The following NRXN1 variants were observed in gnomAD, a reference collection of about 807,000 sequenced individuals.
NRXN1 encodes neurexin-1.
NRXN1 carries 39 observed loss-of-function variants against 150.9 expected under a neutral mutation model. The observed-to-expected ratio is 0.26, with a 90% CI of 0.20 to 0.34. NRXN1 has a LOEUF of 0.34. Ranked by LOEUF, NRXN1 falls within the 10% of genes least tolerant of loss-of-function variation. The pLI is 1.00. For synonymous variants in NRXN1, 924 were observed against 757.0 expected (o/e 1.22, Z -3.62); for missense variants, 1,815 against 1,949.9 (o/e 0.93, Z 1.30).
At chr2:50,719,061 A>G (rs1054137184) in intron 5 of NRXN1, among the ~76,000 whole-genome samples, 5 of 151,192 alleles carry the variant, frequency 3.3e-5, no homozygotes, top group Non-Finnish European at 5.9e-5. Context: ...TACAACTTCC[A>G]CCATTGTGAA....
At chr2:50,909,873 G>T (rs1289089882) in intron 5 of NRXN1, among the ~76,000 whole-genome samples, 2 of 151,904 alleles carry the variant, frequency 1.3e-5, no homozygotes, top group Admixed American at 1.3e-4. Context: ...GCTAAAACTA[G>T]TTCATTGCAA....
chr2:50,979,403 T>A, intron 2 of NRXN1: 1 of 411,772 alleles, frequency 2.4e-6, no homozygotes, highest in Non-Finnish European at 4.8e-6. Context: ...TATTTCCATC[T>A]TGGGATACTA....
rs760819947 is a variant in NRXN1 at position 50,236,769 on chromosome 2, C to G, written c.3546+20G>C. 2 of 1,610,446 alleles carry G rather than the reference C, an allele frequency of 1.2e-6. No homozygotes were observed. Among genetic ancestry groups the G allele is most frequent in the East Asian group, 4.5e-5 (2 of 44,606 alleles). On this transcript the variant is annotated intron_variant, in intron 18 of 22. Transcript: ENST00000401669. ...TAACAGTAAAAAGTAAAAGCTGAAT[C>G]TTATGCAAAAAGTACTTACTATATG...
chr2:50,977,919 GAAACA>G, intron 2 of NRXN1, among the ~76,000 whole-genome samples: 1 of 151,752 alleles, frequency 6.6e-6, no homozygotes, highest in Non-Finnish European at 1.5e-5. Context: ...ATAGCAATCT[GAAACA>G]ACAAATAAAA....
intron 13 of NRXN1, among the ~76,000 whole-genome samples, chr2:50,501,838 A>T (rs1210824865): frequency 1.3e-5 from 2 of 152,150 alleles, no homozygotes; most frequent in Non-Finnish European, 2.9e-5. Flanking sequence ...CATTCCCAAG[A>T]ACAGCTTGAG....
intron 9 of NRXN1, among the ~76,000 whole-genome samples, chr2:50,539,098 C>T (rs184077427): frequency 7.1e-6 from 1 of 141,622 alleles, no homozygotes; most frequent in East Asian, 1.9e-4. Context: ...ACAATAGTTT[C>T]ACAGATTACC....
chr2:50,568,627 A>T (rs922729279), intron 8 of NRXN1, among the ~76,000 whole-genome samples: 2 of 152,186 alleles, frequency 1.3e-5, no homozygotes, highest in Non-Finnish European at 2.9e-5. Context: ...CTTTTATCCA[A>T]ACACAAGCAA....
At chr2:50,534,099 G>GCACACACA (rs10544475) in intron 10 of NRXN1, among the ~76,000 whole-genome samples, 10 of 147,218 alleles carry the variant, frequency 6.8e-5, no homozygotes, top group African/African-American at 1.5e-4. Flanking sequence ...ATCAATAATT[G>GCACACACA]CACACACACA....
At chr2:50,214,977 C>T (rs761958671) in intron 18 of NRXN1, among the ~76,000 whole-genome samples, 17 of 152,004 alleles carry the variant, frequency 1.1e-4, no homozygotes, top group Non-Finnish European at 1.6e-4. Context: ...AGCTAGGTCC[C>T]TGATTTGCAG....
chr2:50,291,722 C>T (rs2152944471), intron 17 of NRXN1, among the ~76,000 whole-genome samples: 1 of 152,252 alleles, frequency 6.6e-6, no homozygotes, highest in East Asian at 1.9e-4. Flanking sequence ...TCCAAACTGA[C>T]TTTTATTTGA....
chr2:50,082,823 A>G (rs76208413), intron 19 of NRXN1, among the ~76,000 whole-genome samples: 2,142 of 146,662 alleles, frequency 0.015, 52 homozygotes, highest in African/African-American at 0.052. Context: ...AAAAAGTACT[A>G]GGAGAAATCG....
intron 5 of NRXN1, among the ~76,000 whole-genome samples, chr2:50,869,118 T>C (rs1190152286): frequency 3.3e-5 from 5 of 151,762 alleles, no homozygotes; most frequent in African/African-American, 9.7e-5. Context: ...TGTGATAATA[T>C]TGTTTTCTTG....
intron 17 of NRXN1, among the ~76,000 whole-genome samples, chr2:50,284,888 CA>C (rs1558451309): frequency 6.6e-6 from 1 of 151,942 alleles, no homozygotes. Flanking sequence ...ATAACAAAAC[CA>C]TTTTACCACA....
chr2:50,778,326 C>G (rs1012836632), intron 5 of NRXN1, among the ~76,000 whole-genome samples: 3 of 152,140 alleles, frequency 2.0e-5, no homozygotes, highest in Admixed American at 1.3e-4. Context: ...TACTTTATTC[C>G]TTTAATTCAT....
At chr2:50,199,142 G>T (rs1416064371) in intron 18 of NRXN1, 1 of 152,046 alleles carries the variant, frequency 6.6e-6, no homozygotes, top group Non-Finnish European at 1.5e-5. Flanking sequence ...GAAATATTTT[G>T]AAAGGACAAT....
intron 8 of NRXN1, among the ~76,000 whole-genome samples, chr2:50,592,841 T>G (rs965361051): frequency 6.6e-6 from 1 of 152,164 alleles, no homozygotes; most frequent in African/African-American, 2.4e-5. Context: ...GGGAAAACAA[T>G]TTTGTCCAAG....
At chr2:50,050,446 T>C (rs1347485420) in intron 21 of NRXN1, among the ~76,000 whole-genome samples, 2 of 152,012 alleles carry the variant, frequency 1.3e-5, no homozygotes, top group Non-Finnish European at 1.5e-5. Flanking sequence ...CTCAGTGTTA[T>C]CACTGAGAAA....
intron 5 of NRXN1, among the ~76,000 whole-genome samples, chr2:50,623,896 A>G (rs112791872): frequency 6.6e-6 from 1 of 152,048 alleles, no homozygotes; most frequent in South Asian, 2.1e-4. Context: ...TTAACTCGTC[A>G]TTTAGCATAA....
intron 22 of NRXN1, among the ~76,000 whole-genome samples, chr2:49,925,622 A>G (rs1284014092): frequency 6.6e-6 from 1 of 152,200 alleles, no homozygotes; most frequent in Non-Finnish European, 1.5e-5. Context: ...TCATGGATTT[A>G]AGAATTTTGC....
Sources: gnomAD v4.1 joint callset for allele counts (sites outside exome capture counted in the v4.1 genomes callset) on GRCh38, gnomAD v4.1.1 for gene constraint, MANE v1.5 for transcripts, NCBI Gene and HGNC (gene_info 2026-07-23, HGNC 2026-07-21) for gene names.